The following ARK2N variants were observed in gnomAD, a reference collection of about 807,000 sequenced individuals.
ARK2N encodes protein ARK2N.
the ARK2N span, among the ~76,000 whole-genome samples, chr18:46,180,924 A>G: frequency 6.6e-6 from 1 of 152,088 alleles, no homozygotes; most frequent in Non-Finnish European, 1.5e-5. Context: ...AGAAAATAGC[A>G]TTTTTCTTGG....
At chr18:46,217,359 T>C in the ARK2N span, 1 of 152,244 alleles carries the variant, frequency 6.6e-6, no homozygotes, top group Admixed American at 6.5e-5. Flanking sequence ...AAGAAAGATG[T>C]ATCTGAATGG....
the ARK2N span, among the ~76,000 whole-genome samples, chr18:46,236,218 GC>G: frequency 6.6e-6 from 1 of 152,108 alleles, no homozygotes; most frequent in South Asian, 2.1e-4. Context: ...TTGCTGTGTT[GC>G]CCAGGCTAGT....
the ARK2N span, among the ~76,000 whole-genome samples, chr18:46,204,686 A>T: frequency 6.6e-6 from 1 of 152,212 alleles, no homozygotes; most frequent in African/African-American, 2.4e-5. Context: ...GAATGCTAGC[A>T]GTTAGAATAC....
the ARK2N span, among the ~76,000 whole-genome samples, chr18:46,210,951 A>G: frequency 6.6e-6 from 1 of 151,876 alleles, no homozygotes; most frequent in Non-Finnish European, 1.5e-5. Context: ...GGATGGGAAA[A>G]GGACCTAGAC....
the ARK2N span, among the ~76,000 whole-genome samples, chr18:46,178,677 T>C: frequency 6.6e-6 from 1 of 152,098 alleles, no homozygotes; most frequent in Non-Finnish European, 1.5e-5. Context: ...TCCCAGCACG[T>C]TGGGAGGCTG....
chr18:46,215,105 G>A, the ARK2N span, among the ~76,000 whole-genome samples: 1 of 152,284 alleles, frequency 6.6e-6, no homozygotes, highest in East Asian at 1.9e-4. Context: ...GATCACTTGA[G>A]CTCAGGAGTT....
the ARK2N span, among the ~76,000 whole-genome samples, chr18:46,193,591 G>GT: frequency 0.23 from 21,201 of 92,386 alleles, 3,296 homozygotes; most frequent in East Asian, 0.34. Flanking sequence ...GCCCAGCCGG[G>GT]TTTTTTTTTT....
At chr18:46,222,140 C>T in the ARK2N span, among the ~76,000 whole-genome samples, 1 of 152,186 alleles carries the variant, frequency 6.6e-6, no homozygotes. Context: ...TGGGGTCTGA[C>T]CCCAGGCATC....
At chr18:46,241,891 A>G in the ARK2N span, among the ~76,000 whole-genome samples, 2 of 151,776 alleles carry the variant, frequency 1.3e-5, no homozygotes, top group Middle Eastern at 6.8e-3. Context: ...ATCTCAGCTC[A>G]CTGCAACCTC....
the ARK2N span, among the ~76,000 whole-genome samples, chr18:46,175,541 G>A: frequency 4.0e-5 from 6 of 148,868 alleles, no homozygotes; most frequent in East Asian, 1.2e-3. Flanking sequence ...GCCTACAATT[G>A]ATAGTTACTG....
chr18:46,265,351 G>A, the ARK2N span: 2 of 152,622 alleles, frequency 1.3e-5, no homozygotes, highest in East Asian at 3.8e-4. Flanking sequence ...ATTCCACACA[G>A]CAGGTGATTT....
chr18:46,240,772 ATTC>A, the ARK2N span, among the ~76,000 whole-genome samples: 1 of 152,206 alleles, frequency 6.6e-6, no homozygotes. Context: ...TTTTGTGATT[ATTC>A]TTTAAGGTGG....
At chr18:46,261,395 T>A in the ARK2N span, among the ~76,000 whole-genome samples, 7 of 152,232 alleles carry the variant, frequency 4.6e-5, no homozygotes, top group Admixed American at 3.9e-4. Context: ...AATTCCATGC[T>A]TACCTCATAG....
chr18:46,195,998 G>A, the ARK2N span, among the ~76,000 whole-genome samples: 1 of 128,548 alleles, frequency 7.8e-6, no homozygotes, highest in Non-Finnish European at 1.7e-5. Context: ...TTTTTTTTTT[G>A]AGACAGAGTT....
At chr18:46,185,881 G>C in the ARK2N span, among the ~76,000 whole-genome samples, 1 of 152,152 alleles carries the variant, frequency 6.6e-6, no homozygotes, top group Non-Finnish European at 1.5e-5. Flanking sequence ...CAGCTACTCA[G>C]GAGGCTGAGG....
the ARK2N span, among the ~76,000 whole-genome samples, chr18:46,177,573 C>T: frequency 2.2e-4 from 34 of 151,590 alleles, no homozygotes; most frequent in Non-Finnish European, 3.4e-4. Flanking sequence ...CTAAGACAGG[C>T]GCCTGCCACC....
At chr18:46,210,541 A>G in the ARK2N span, among the ~76,000 whole-genome samples, 2 of 152,192 alleles carry the variant, frequency 1.3e-5, no homozygotes, top group Admixed American at 1.3e-4. Flanking sequence ...GTGGACTGGT[A>G]TAGAGCTCAG....
the ARK2N span, among the ~76,000 whole-genome samples, chr18:46,242,060 T>G: frequency 6.6e-6 from 1 of 152,086 alleles, no homozygotes; most frequent in Admixed American, 6.6e-5. Context: ...CCGCCTGCCT[T>G]GGCCTCCCAA....
At chr18:46,211,084 G>C in the ARK2N span, among the ~76,000 whole-genome samples, 13 of 152,178 alleles carry the variant, frequency 8.5e-5, no homozygotes, top group African/African-American at 2.2e-4. Context: ...TTAAAGAGCA[G>C]AGAGAGTCGT....
Sources: allele counts gnomAD v4.1 joint callset (sites outside exome capture counted in the v4.1 genomes callset), GRCh38; gene constraint gnomAD v4.1.1; transcripts MANE v1.5; gene names NCBI Gene and HGNC (gene_info 2026-07-23, HGNC 2026-07-21).